DLGAP2: variants seen among roughly 807,000 people sequenced by gnomAD.
DLGAP2 encodes DLG associated protein 2, also known as disks large-associated protein 2.
A neutral mutation model predicts 100.3 loss-of-function variants in DLGAP2; 26 were observed. The observed-to-expected ratio is 0.26, with a 90% CI of 0.19 to 0.36. DLGAP2 has a LOEUF of 0.36. DLGAP2 is among the 10% of genes least tolerant of loss of function. The pLI is 1.00. For missense variants in DLGAP2, 1,858 were observed against 1,453.2 expected (o/e 1.28, Z -4.53); for synonymous variants, 886 against 630.1 (o/e 1.41, Z -6.08).
intron 8 of DLGAP2, among the ~76,000 whole-genome samples, chr8:1,634,338 C>T (rs981346876): frequency 1.3e-5 from 2 of 152,198 alleles, no homozygotes; most frequent in Non-Finnish European, 2.9e-5. Flanking sequence ...AGAAAGGCAA[C>T]AGATCCTGGC....
At chr8:1,365,185 C>G (rs935786563) in intron 3 of DLGAP2, among the ~76,000 whole-genome samples, 6 of 152,146 alleles carry the variant, frequency 3.9e-5, no homozygotes, top group Non-Finnish European at 7.4e-5. Flanking sequence ...TGTGTTAGGA[C>G]CTGGGTGGTC....
At chr8:788,681 G>A (rs570311828) in intron 1 of DLGAP2, among the ~76,000 whole-genome samples, 2 of 152,362 alleles carry the variant, frequency 1.3e-5, no homozygotes, top group South Asian at 4.1e-4. Context: ...AGTCAGTGCT[G>A]TTCTGTCCTC....
chr8:1,180,273 C>G (rs1797351293), intron 2 of DLGAP2, among the ~76,000 whole-genome samples: 1 of 152,194 alleles, frequency 6.6e-6, no homozygotes, highest in South Asian at 2.1e-4. Context: ...ACCCACATGC[C>G]AGTCAGACGT....
At chr8:865,444 G>A (rs2128990624) in intron 1 of DLGAP2, among the ~76,000 whole-genome samples, 1 of 152,264 alleles carries the variant, frequency 6.6e-6, no homozygotes, top group African/African-American at 2.4e-5. Context: ...TCTACTTGCA[G>A]CCTCCTTTCA....
At chr8:1,256,424 C>T (rs148526784) in intron 2 of DLGAP2, among the ~76,000 whole-genome samples, 2,238 of 121,402 alleles carry the variant, frequency 0.018, 185 homozygotes, top group African/African-American at 0.071. Context: ...CCTGCTTGGG[C>T]GCTGTGCGTC....
chr8:1,413,621 G>A (rs573900320), intron 3 of DLGAP2, among the ~76,000 whole-genome samples: 13 of 152,222 alleles, frequency 8.5e-5, no homozygotes, highest in Admixed American at 6.5e-4. Flanking sequence ...TTCTCTGGAT[G>A]GAGGAATAAT....
At chr8:1,441,241 T>C (rs1797823271) in intron 3 of DLGAP2, among the ~76,000 whole-genome samples, 1 of 152,216 alleles carries the variant, frequency 6.6e-6, no homozygotes. Context: ...TTCTGGCAGA[T>C]TTAATTATGT....
At chr8:912,288 C>A (rs1287147153) in intron 2 of DLGAP2, among the ~76,000 whole-genome samples, 22 of 152,222 alleles carry the variant, frequency 1.4e-4, no homozygotes, top group Non-Finnish European at 2.9e-5. Flanking sequence ...TGTAAAATGA[C>A]TGTGAAACAG....
chr8:1,115,692 G>T (rs573630766), intron 2 of DLGAP2, among the ~76,000 whole-genome samples: 11 of 152,264 alleles, frequency 7.2e-5, no homozygotes, highest in African/African-American at 2.6e-4. Context: ...TGCTGCCAGG[G>T]ATCCCCAGTG....
In DLGAP2 at chr8:1,162,045, C is replaced by T. The variant is rs556987214; in HGVS notation, c.74-96806C>T. Among the ~76,000 whole-genome samples the T allele has an allele frequency of 7.2e-4, 110 of 152,310 alleles. 2 individuals are homozygous for T. The South Asian group carries it at 0.017, about 24-fold the overall frequency. On this transcript the variant is annotated intron_variant, in intron 2 of 14. Transcript: ENST00000637795. ...CTGGACCAGCGGCCTGTGAGGGGAG[C>T]CCGGAGCCTGCGTTTGCAGCAGAAG... is the stretch of plus-strand genomic sequence containing the variant.
At chr8:1,199,139 C>T (rs545195604) in intron 2 of DLGAP2, among the ~76,000 whole-genome samples, 127 of 152,298 alleles carry the variant, frequency 8.3e-4, no homozygotes, top group Non-Finnish European at 1.4e-3. Flanking sequence ...CAACAACAAC[C>T]GCAGCAACAG....
At chr8:884,164 G>C (rs916636331) in intron 1 of DLGAP2, among the ~76,000 whole-genome samples, 2 of 152,198 alleles carry the variant, frequency 1.3e-5, no homozygotes, top group Non-Finnish European at 2.9e-5. Flanking sequence ...CCAGTAATGG[G>C]ATTGCTGGGG....
chr8:1,141,317 T>G (rs1175591530), intron 2 of DLGAP2, among the ~76,000 whole-genome samples: 1 of 152,204 alleles, frequency 6.6e-6, no homozygotes, highest in Non-Finnish European at 1.5e-5. Context: ...GTAACTGGAT[T>G]CCCCAACAAA....
rs922077794 is a variant in DLGAP2, at chr8:1,195,742, C to G, written c.74-63109C>G. ...GAACGTTTGTTTAATTTTAGTTACACAGATAATCGCATCACCATCGTTGCT... is the reference window on the plus strand; with the variant it reads ...GAACGTTTGTTTAATTTTAGTTACAGAGATAATCGCATCACCATCGTTGCT... On this transcript the variant is annotated intron_variant, in intron 2 of 14. Transcript: ENST00000637795. Among the ~76,000 whole-genome samples the G allele has an allele frequency of 3.9e-5, 6 of 152,310 alleles. No individual in the cohort carries two copies. In the East Asian group the frequency reaches 1.2e-3, roughly 29 times the overall value.
intron 3 of DLGAP2, among the ~76,000 whole-genome samples, chr8:1,452,658 C>T (rs760058498): frequency 1.3e-5 from 2 of 152,190 alleles, no homozygotes; most frequent in African/African-American, 2.4e-5. Flanking sequence ...GCAGGAGATG[C>T]CGAAACATTA....
At chr8:1,342,395 A>G (rs1207268950) in intron 3 of DLGAP2, among the ~76,000 whole-genome samples, 2 of 152,168 alleles carry the variant, frequency 1.3e-5, no homozygotes, top group African/African-American at 4.8e-5. Flanking sequence ...TTCCGATTTT[A>G]AGTTACATGT....
intron 3 of DLGAP2, among the ~76,000 whole-genome samples, chr8:1,327,911 A>T (rs1336683179): frequency 6.6e-6 from 1 of 152,148 alleles, no homozygotes; most frequent in Non-Finnish European, 1.5e-5. Flanking sequence ...ATTAATTCTG[A>T]TGGATCTTCC....
At chr8:1,011,794 C>A (rs543181324) in intron 2 of DLGAP2, among the ~76,000 whole-genome samples, 27 of 152,314 alleles carry the variant, frequency 1.8e-4, no homozygotes, top group African/African-American at 6.5e-4. Flanking sequence ...CACAGTGGGC[C>A]CTGGAATGAG....
At chr8:959,880 A>C (rs895182114) in intron 2 of DLGAP2, among the ~76,000 whole-genome samples, 5 of 152,220 alleles carry the variant, frequency 3.3e-5, no homozygotes, top group Non-Finnish European at 7.3e-5. Flanking sequence ...TATTTAACTT[A>C]TTGATGAGGC....
Sources: allele counts gnomAD v4.1 joint callset (sites outside exome capture counted in the v4.1 genomes callset), GRCh38; gene constraint gnomAD v4.1.1; transcripts MANE v1.5; gene names NCBI Gene and HGNC (gene_info 2026-07-23, HGNC 2026-07-21).